Variants in CCDC6 observed in about 807,000 individuals in gnomAD.
CCDC6 encodes the protein coiled-coil domain containing 6, also known as coiled-coil domain-containing protein 6.
CCDC6 carries 20 observed loss-of-function variants against 56.6 expected under a neutral mutation model. The ratio of observed to expected loss-of-function variants is 0.35; its 90% CI spans 0.25 to 0.51. The LOEUF (loss-of-function observed/expected upper bound fraction) is 0.51, where lower values mean the gene tolerates loss of function less well. Ranked by LOEUF, CCDC6 falls within the 20% of genes least tolerant of loss-of-function variation. CCDC6 has a pLI of 0.95. For synonymous variants in CCDC6, 241 were observed against 234.4 expected (o/e 1.03, Z -0.26); for missense variants, 367 against 601.1 (o/e 0.61, Z 4.07).
At chr10:59,853,594 T>C (rs1386904486) in intron 1 of CCDC6, among the ~76,000 whole-genome samples, 1 of 148,534 alleles carries the variant, frequency 6.7e-6, no homozygotes, top group African/African-American at 2.6e-5. Flanking sequence ...ACGTGTTCAC[T>C]GAATAGCTGA....
intron 4 of CCDC6, among the ~76,000 whole-genome samples, chr10:59,813,799 A>G (rs2070691285): frequency 6.6e-6 from 1 of 152,256 alleles, no homozygotes; most frequent in Non-Finnish European, 1.5e-5. Flanking sequence ...TATTTCTTAT[A>G]GATATAGCTC....
chr10:59,898,286 A>G (rs1385162965), intron 1 of CCDC6, among the ~76,000 whole-genome samples: 3 of 152,224 alleles, frequency 2.0e-5, no homozygotes, highest in Admixed American at 6.5e-5. Flanking sequence ...ATCACATAAA[A>G]ACAAAAATTA....
intron 1 of CCDC6, among the ~76,000 whole-genome samples, chr10:59,864,868 T>C (rs1303519275): frequency 2.0e-5 from 3 of 152,176 alleles, no homozygotes; most frequent in Non-Finnish European, 4.4e-5. Flanking sequence ...AAAAGGGCTG[T>C]GCCTAACAAG....
At chr10:59,809,684 A>G (rs994803677) in intron 5 of CCDC6, among the ~76,000 whole-genome samples, 1 of 152,166 alleles carries the variant, frequency 6.6e-6, no homozygotes, top group African/African-American at 2.4e-5. Flanking sequence ...ATCTCCCAAT[A>G]TAGTAGGCCC....
At chr10:59,866,475 G>GTA (rs1324383493) in intron 1 of CCDC6, among the ~76,000 whole-genome samples, 7 of 152,310 alleles carry the variant, frequency 4.6e-5, no homozygotes, top group African/African-American at 1.7e-4. Context: ...TATACCAGCT[G>GTA]TATATATGCA....
chr10:59,812,943 A>G, intron 4 of CCDC6, 148 bp from the exon 5 acceptor site: 1 of 580,218 alleles, frequency 1.7e-6, no homozygotes, highest in East Asian at 2.9e-5. Context: ...CCCATTTTAC[A>G]TCAAACTTCT....
intron 6 of CCDC6, 76 bp downstream of exon 6, chr10:59,806,846 G>T: frequency 7.0e-7 from 1 of 1,421,338 alleles, no homozygotes; most frequent in Non-Finnish European, 9.7e-7. Flanking sequence ...CACCTAACAG[G>T]ATACCAAAGA....
chr10:59,849,384 C>T (rs1217659636), intron 2 of CCDC6, among the ~76,000 whole-genome samples: 4 of 152,202 alleles, frequency 2.6e-5, no homozygotes, highest in African/African-American at 4.8e-5. Flanking sequence ...TTTAAGCCAT[C>T]TCCCAAACTG....
intron 2 of CCDC6, among the ~76,000 whole-genome samples, chr10:59,843,408 A>G (rs1020409714): frequency 2.0e-5 from 3 of 152,200 alleles, no homozygotes; most frequent in African/African-American, 2.4e-5. Context: ...ATAGTTATTC[A>G]TTAGTTTTTC....
At chr10:59,805,736 A>G (rs2070616290) in intron 6 of CCDC6, among the ~76,000 whole-genome samples, 1 of 152,206 alleles carries the variant, frequency 6.6e-6, no homozygotes, top group Non-Finnish European at 1.5e-5. Flanking sequence ...CCAAATGAAG[A>G]GGCATACACA....
chr10:59,874,215 A>T (rs1458216746), intron 1 of CCDC6, among the ~76,000 whole-genome samples: 3 of 152,018 alleles, frequency 2.0e-5, no homozygotes, highest in African/African-American at 7.2e-5. Context: ...ATGAGACAGG[A>T]CCTTACACTC....
At chr10:59,814,225 T>C (rs10761417) in intron 4 of CCDC6, among the ~76,000 whole-genome samples, 74,639 of 152,004 alleles carry the variant, frequency 0.49, 19,230 homozygotes, top group African/African-American at 0.66. Context: ...AACAATTTTA[T>C]TATTAAAATC....
intron 1 of CCDC6, among the ~76,000 whole-genome samples, chr10:59,900,269 G>A (rs1025169511): frequency 3.9e-5 from 6 of 152,136 alleles, no homozygotes; most frequent in Admixed American, 2.0e-4. Flanking sequence ...TGCATACCCC[G>A]GTGTGTGGCT....
intron 2 of CCDC6, among the ~76,000 whole-genome samples, chr10:59,838,450 A>C (rs191590469): frequency 9.8e-5 from 15 of 152,310 alleles, no homozygotes; most frequent in African/African-American, 3.6e-4. Context: ...ACTCACTGGC[A>C]TAACATTCAA....
At chr10:59,844,730 C>T (rs2070974796) in intron 2 of CCDC6, among the ~76,000 whole-genome samples, 2 of 134,476 alleles carry the variant, frequency 1.5e-5, no homozygotes, top group African/African-American at 5.7e-5. Context: ...CCAGCCTGGG[C>T]AACAGAGACT....
chr10:59,822,956 G>A (rs2070759368), intron 3 of CCDC6, among the ~76,000 whole-genome samples: 1 of 151,924 alleles, frequency 6.6e-6, no homozygotes. Context: ...GGAGGTTGGA[G>A]AGAAGCGGTT....
chr10:59,837,610 G>A (rs549937732), intron 2 of CCDC6, among the ~76,000 whole-genome samples: 3 of 152,114 alleles, frequency 2.0e-5, no homozygotes, highest in Admixed American at 1.3e-4. Flanking sequence ...GCCAGGCGTG[G>A]TGGCATGTGC....
At chr10:59,858,465 T>C (rs932259662) in intron 1 of CCDC6, among the ~76,000 whole-genome samples, 2 of 152,222 alleles carry the variant, frequency 1.3e-5, no homozygotes, top group Non-Finnish European at 2.9e-5. Context: ...AGGTCATTGT[T>C]ACAGGACTGC....
intron 1 of CCDC6, among the ~76,000 whole-genome samples, chr10:59,861,103 C>T (rs1045923774): frequency 5.3e-5 from 8 of 152,006 alleles, no homozygotes; most frequent in South Asian, 2.1e-4. Flanking sequence ...TGCTTGAACT[C>T]GGGAAGTAGA....
Sources: gnomAD v4.1 joint callset for allele counts (sites outside exome capture counted in the v4.1 genomes callset) on GRCh38, gnomAD v4.1.1 for gene constraint, MANE v1.5 for transcripts, NCBI Gene and HGNC (gene_info 2026-07-23, HGNC 2026-07-21) for gene names.